Variants in LHFPL3 observed in about 807,000 individuals in gnomAD.
LHFPL3 encodes the protein LHFPL tetraspan subfamily member 3 protein.
In LHFPL3, 5 loss-of-function variants were observed where a neutral mutation model predicts 19.3. The observed-to-expected ratio is 0.26, with a 90% CI of 0.14 to 0.54. The LOEUF (loss-of-function observed/expected upper bound fraction) is 0.54. LHFPL3 is among the 20% of genes least tolerant of loss of function. The probability of loss-of-function intolerance (pLI) is 0.94; values close to 1 mark genes in which losing one functional copy is unlikely to be tolerated. For missense variants in LHFPL3, 249 were observed against 307.4 expected (o/e 0.81, Z 1.42); for synonymous variants, 133 against 126.2 (o/e 1.05, Z -0.36).
At chr7:104,491,527 C>G (rs1793352464) in intron 1 of LHFPL3, among the ~76,000 whole-genome samples, 1 of 151,798 alleles carries the variant, frequency 6.6e-6, no homozygotes, top group Non-Finnish European at 1.5e-5. Flanking sequence ...AAACAACAGC[C>G]CACACATTGC....
chr7:104,805,443 T>C (rs961315535), intron 2 of LHFPL3, among the ~76,000 whole-genome samples: 2 of 152,242 alleles, frequency 1.3e-5, no homozygotes, highest in African/African-American at 2.4e-5. Flanking sequence ...TGTAGTGATG[T>C]TGTCACCTGT....
At chr7:104,551,615 T>C (rs1376392504) in intron 1 of LHFPL3, among the ~76,000 whole-genome samples, 2 of 152,120 alleles carry the variant, frequency 1.3e-5, no homozygotes, top group Non-Finnish European at 2.9e-5. Context: ...ATAGTATTAA[T>C]AGTAATAATA....
At chr7:104,461,706 C>T (rs1792666756) in intron 1 of LHFPL3, among the ~76,000 whole-genome samples, 1 of 152,038 alleles carries the variant, frequency 6.6e-6, no homozygotes, top group Admixed American at 6.6e-5. Context: ...TAACATGATG[C>T]TTCCATCTTT....
intron 1 of LHFPL3, among the ~76,000 whole-genome samples, chr7:104,543,924 A>G (rs1794534262): frequency 6.7e-6 from 1 of 150,108 alleles, no homozygotes; most frequent in Non-Finnish European, 1.5e-5. Context: ...TAATAATAAT[A>G]ATAATAATAA....
chr7:104,669,428 A>T lies in LHFPL3; in HGVS notation c.446-67247A>T, dbSNP rs992651493. 3.1e-6 allele frequency: 5 copies of T among 1,613,436 alleles called. No homozygotes were observed. The African/African-American group carries it at 6.7e-5, about 22-fold the overall frequency. On this transcript the variant is annotated intron_variant, in intron 1 of 2. Coordinates refer to ENST00000424859, the MANE Select transcript of LHFPL3 (RefSeq NM_199000.3). The stretch of plus-strand genomic sequence containing the variant: ...CACTGGAAGGAGTCAGATAGGAAAG[A>T]TGGCAAAAAGGATCAAGACTCCAGA...
chr7:104,865,726 G>A (rs917466602), intron 2 of LHFPL3, among the ~76,000 whole-genome samples: 1 of 152,030 alleles, frequency 6.6e-6, no homozygotes, highest in Non-Finnish European at 1.5e-5. Context: ...TACAGAGAAT[G>A]CCACAAAGAT....
At chr7:104,337,073 T>G (rs1274035954) in intron 1 of LHFPL3, among the ~76,000 whole-genome samples, 1 of 152,098 alleles carries the variant, frequency 6.6e-6, no homozygotes, top group Non-Finnish European at 1.5e-5. Flanking sequence ...CAGGGAATGT[T>G]TTCTGCATGG....
intron 1 of LHFPL3, among the ~76,000 whole-genome samples, chr7:104,573,583 A>G (rs1025199546): frequency 6.6e-6 from 1 of 152,148 alleles, no homozygotes; most frequent in Non-Finnish European, 1.5e-5. Flanking sequence ...TCCCTTTGGA[A>G]TTATTTTGTC....
chr7:104,729,220 T>A (rs1793644320), intron 1 of LHFPL3, among the ~76,000 whole-genome samples: 1 of 152,302 alleles, frequency 6.6e-6, no homozygotes, highest in Admixed American at 6.5e-5. Context: ...AAGCATAATT[T>A]CAAGAAACTT....
intron 2 of LHFPL3, among the ~76,000 whole-genome samples, chr7:104,787,028 T>C (rs143994860): frequency 2.0e-5 from 3 of 152,208 alleles, no homozygotes; most frequent in East Asian, 3.8e-4. Context: ...CTTACTTTTA[T>C]GTTTTGTTCT....
chr7:104,379,685 AG>A (rs1790789075), intron 1 of LHFPL3, among the ~76,000 whole-genome samples: 1 of 152,198 alleles, frequency 6.6e-6, no homozygotes, highest in African/African-American at 2.4e-5. Flanking sequence ...GTAAGAAAAA[AG>A]AAAACCAACA....
At chr7:104,878,975 A>G (rs570364587) in intron 2 of LHFPL3, among the ~76,000 whole-genome samples, 3 of 152,340 alleles carry the variant, frequency 2.0e-5, no homozygotes, top group Admixed American at 6.5e-5. Flanking sequence ...ACAATTCCTT[A>G]AGCCAAAGCC....
At chr7:104,704,081 C>CTA (rs1793145970) in intron 1 of LHFPL3, among the ~76,000 whole-genome samples, 2 of 152,124 alleles carry the variant, frequency 1.3e-5, no homozygotes, top group African/African-American at 4.8e-5. Flanking sequence ...CAGTGGTGTG[C>CTA]TAGAGCTGAT....
chr7:104,898,492 ACTTCT>A (rs1792412259), intron 2 of LHFPL3, among the ~76,000 whole-genome samples: 1 of 152,112 alleles, frequency 6.6e-6, no homozygotes, highest in South Asian at 2.1e-4. Context: ...GGGAAAATAA[ACTTCT>A]CTTGTCTTTA....
At chr7:104,643,492 G>A (rs540245023) in intron 1 of LHFPL3, among the ~76,000 whole-genome samples, 1 of 152,108 alleles carries the variant, frequency 6.6e-6, no homozygotes, top group African/African-American at 2.4e-5. Context: ...GTATATTTTT[G>A]TATGGATTTT....
intron 2 of LHFPL3, among the ~76,000 whole-genome samples, chr7:104,882,602 G>C (rs573009026): frequency 5.3e-5 from 8 of 152,266 alleles, no homozygotes; most frequent in African/African-American, 1.7e-4. Flanking sequence ...CATAGAGACA[G>C]AAAGTATCTT....
At chr7:104,848,331 T>A (rs189699252) in intron 2 of LHFPL3, among the ~76,000 whole-genome samples, 118 of 152,302 alleles carry the variant, frequency 7.7e-4, no homozygotes, top group African/African-American at 2.8e-3. Flanking sequence ...GGTGTTACCA[T>A]TCCTTCTCCT....
chr7:104,651,653 C>A (rs1792036104), intron 1 of LHFPL3, among the ~76,000 whole-genome samples: 1 of 152,316 alleles, frequency 6.6e-6, no homozygotes, highest in Non-Finnish European at 1.5e-5. Context: ...GTGACTTGAG[C>A]CAGGTATTCT....
intron 1 of LHFPL3, among the ~76,000 whole-genome samples, chr7:104,620,702 C>T (rs1395488990): frequency 2.0e-5 from 3 of 152,140 alleles, no homozygotes; most frequent in African/African-American, 4.8e-5. Context: ...CATAATGGCC[C>T]GGAACTCTCT....
Sources: gnomAD v4.1 joint callset for allele counts (sites outside exome capture counted in the v4.1 genomes callset) on GRCh38, gnomAD v4.1.1 for gene constraint, MANE v1.5 for transcripts, NCBI Gene and HGNC (gene_info 2026-07-23, HGNC 2026-07-21) for gene names.